SEC31A: variants seen among roughly 807,000 people sequenced by gnomAD.
SEC31A encodes the protein SEC31 homolog A, COPII component.
A neutral mutation model predicts 151.0 loss-of-function variants in SEC31A; 70 were observed. The observed-to-expected ratio is 0.46, with a 90% CI of 0.38 to 0.57. The LOEUF (loss-of-function observed/expected upper bound fraction) is 0.57, where lower values mean the gene tolerates loss of function less well. Ranked by LOEUF, SEC31A falls within the 20% of genes least tolerant of loss-of-function variation. The pLI is 0.00. For synonymous variants in SEC31A, 475 were observed against 505.9 expected (o/e 0.94, Z 0.82); for missense variants, 1,330 against 1,471.2 (o/e 0.90, Z 1.57).
intron 13 of SEC31A, 139 bp downstream of exon 13, chr4:82,862,395 T>A: frequency 1.6e-6 from 1 of 617,390 alleles, no homozygotes; most frequent in South Asian, 2.2e-5. Context: ...TGAGAATTAT[T>A]AATTTATTAA....
At position 82,827,578 on chromosome 4, in the gene SEC31A, A is replaced by G. The variant is rs746464888; in HGVS notation, c.3082T>C (p.Leu1028=). ...AGCATTTGTGACTGGGGGTCACCCAACGGGTTCATGATTGGTGATGTGATG... is the reference window on the plus strand; with the variant it reads ...AGCATTTGTGACTGGGGGTCACCCAGCGGGTTCATGATTGGTGATGTGATG... The part of the protein sequence containing the change: ...VPITSPIMNP[L]GDPQSQMLQQ... Residue 1028 remains leucine, a synonymous_variant, in exon 24 of 27, where the codon TTG becomes CTG. Coordinates refer to ENST00000395310, the MANE Select transcript of SEC31A (RefSeq NM_001077207.4). The G allele has an allele frequency of 2.7e-5, 43 of 1,614,116 alleles. No homozygotes were observed. Among genetic ancestry groups the G allele is most frequent in the African/African-American group, 9.3e-5 (7 of 74,948 alleles).
intron 24 of SEC31A, 71 bp downstream of exon 24, chr4:82,827,297 AG>A: frequency 6.7e-7 from 1 of 1,482,630 alleles, no homozygotes; most frequent in South Asian, 1.3e-5. Flanking sequence ...CAATCATAAA[AG>A]TTAGCACATT....
chr4:82,820,112 T>TATACGCTA (rs1359809382), intron 26 of SEC31A, among the ~76,000 whole-genome samples: 4 of 149,916 alleles, frequency 2.7e-5, no homozygotes, highest in African/African-American at 9.8e-5. Context: ...CATCTAGATG[T>TATACGCTA]ATACGCTAAT....
At chr4:82,876,422 A>T (rs1276568198) in intron 4 of SEC31A, among the ~76,000 whole-genome samples, 2 of 152,146 alleles carry the variant, frequency 1.3e-5, no homozygotes, top group Non-Finnish European at 2.9e-5. Flanking sequence ...ATAAATTCTT[A>T]ATCAGTCATG....
At chr4:82,873,324 C>G (rs1464473985) in intron 6 of SEC31A, among the ~76,000 whole-genome samples, 1 of 151,650 alleles carries the variant, frequency 6.6e-6, no homozygotes, top group Non-Finnish European at 1.5e-5. Context: ...CCCCTACACT[C>G]CAGACTGGGT....
At chr4:82,898,827 A>G (rs1720170662) in intron 3 of SEC31A, among the ~76,000 whole-genome samples, 1 of 152,234 alleles carries the variant, frequency 6.6e-6, no homozygotes, top group South Asian at 2.1e-4. Flanking sequence ...CACTTCCTCA[A>G]GAAGCTAAAC....
In SEC31A at chr4:82,881,942, T is replaced by C. The variant is rs1160129361; in HGVS notation, c.-4-2A>G. On this transcript the variant is annotated splice_acceptor_variant, in intron 1 of 26. Coordinates refer to ENST00000395310, the MANE Select transcript of SEC31A (RefSeq NM_001077207.4). LOFTEE classifies it low-confidence loss of function (5UTR_SPLICE). ...TCTACTTCCTTTAACTTCATCCTGC[T>C]AAAGGGAATATTTTATACAGAAACA... 6.2e-7 allele frequency: 1 copy of C among 1,612,160 alleles called. No homozygotes were observed. Among genetic ancestry groups the C allele is most frequent in the Non-Finnish European group, 8.5e-7 (1 of 1,178,204 alleles).
At chr4:82,849,381 G>A (rs1730944894) in intron 19 of SEC31A, among the ~76,000 whole-genome samples, 1 of 152,134 alleles carries the variant, frequency 6.6e-6, no homozygotes, top group African/African-American at 2.4e-5. Context: ...TTGGGAGGCC[G>A]AGGCAGGCAG....
intron 8 of SEC31A, among the ~76,000 whole-genome samples, chr4:82,868,302 C>T (rs1735839645): frequency 6.6e-6 from 1 of 151,834 alleles, no homozygotes; most frequent in Admixed American, 6.6e-5. Flanking sequence ...AGTTCAAGAC[C>T]AGCATGGGGA....
At chr4:82,829,729 T>C (rs1052387968) in intron 22 of SEC31A, among the ~76,000 whole-genome samples, 1 of 152,080 alleles carries the variant, frequency 6.6e-6, no homozygotes, top group Non-Finnish European at 1.5e-5. Flanking sequence ...TATTACCAAC[T>C]GTAGTAAATT....
At chr4:82,841,744 G>T (rs564733452) in intron 22 of SEC31A, among the ~76,000 whole-genome samples, 21 of 151,600 alleles carry the variant, frequency 1.4e-4, no homozygotes, top group Non-Finnish European at 2.9e-4. Flanking sequence ...GGCCGAAGCG[G>T]GTGGATCACT....
At chr4:82,876,024 T>C (rs1333295800) in intron 4 of SEC31A, among the ~76,000 whole-genome samples, 2 of 152,098 alleles carry the variant, frequency 1.3e-5, no homozygotes, top group East Asian at 1.9e-4. Context: ...CATAAAATTC[T>C]ACTTAACAAA....
intron 14 of SEC31A, among the ~76,000 whole-genome samples, chr4:82,858,349 T>G (rs1339804208): frequency 6.6e-6 from 1 of 151,256 alleles, no homozygotes; most frequent in Non-Finnish European, 1.5e-5. Flanking sequence ...ATCGAGACCA[T>G]CCTGGCCAAC....
chr4:82,860,798 G>A (rs570729009), intron 14 of SEC31A, among the ~76,000 whole-genome samples: 5 of 152,144 alleles, frequency 3.3e-5, no homozygotes, highest in Non-Finnish European at 5.9e-5. Context: ...TTTTAGTAAA[G>A]ATTTTATCCA....
intron 22 of SEC31A, among the ~76,000 whole-genome samples, chr4:82,837,460 C>T (rs750637242): frequency 1.3e-5 from 2 of 151,788 alleles, no homozygotes; most frequent in Non-Finnish European, 2.9e-5. Flanking sequence ...GATCACAGCT[C>T]ACAACCTCTG....
rs757692353 is a variant in SEC31A, at chr4:82,872,075, A to C, written c.651T>G (p.Ser217=). 32 of 1,613,550 alleles carry C rather than the reference A, an allele frequency of 2.0e-5. No individual in the cohort carries two copies. Among genetic ancestry groups the C allele is most frequent in the Non-Finnish European group, 2.5e-5 (29 of 1,179,608 alleles). Reference sequence around the variant, plus strand: ...CAACATCAGGATGCCATGCCAACCCAGAACAATGCATCTGAAGATAGTTAA... The same window carrying C: ...CAACATCAGGATGCCATGCCAACCCCGAACAATGCATCTGAAGATAGTTAA... ...VSDHSNRMHC[S]GLAWHPDVAT... The change falls in exon 7 of 27, where the codon TCT becomes TCG. Residue 217 remains serine, a synonymous_variant. Coordinates refer to ENST00000395310, the MANE Select transcript of SEC31A (RefSeq NM_001077207.4).
At chr4:82,846,171 T>C (rs1297939768) in intron 20 of SEC31A, among the ~76,000 whole-genome samples, 1 of 151,676 alleles carries the variant, frequency 6.6e-6, no homozygotes, top group African/African-American at 2.4e-5. Context: ...GCCCAGCTAA[T>C]TTTTAGTATT....
At chr4:82,852,197 A>G (rs1348142621) in intron 18 of SEC31A, among the ~76,000 whole-genome samples, 1 of 152,140 alleles carries the variant, frequency 6.6e-6, no homozygotes, top group Non-Finnish European at 1.5e-5. Context: ...CTTCACCTTG[A>G]GCCATGACTG....
chr4:82,866,915 G>A lies in SEC31A; in HGVS notation c.1090C>T (p.Pro364Ser). The A allele has an allele frequency of 1.2e-6, 2 of 1,614,042 alleles. No individual in the cohort carries two copies. Among genetic ancestry groups the A allele is most frequent in the Middle Eastern group, 1.6e-4 (1 of 6,062 alleles). Residue 364 changes from proline (P) to serine (S), a missense_variant, in exon 10 of 27, where the codon CCC (proline) becomes TCC (serine). By Grantham distance (74) the Pro-to-Ser change is moderately conservative. Transcript: ENST00000395310. ...GNLDPFGTGQ[P>S]LPPLQIPQQT... ...TGTGGAATTTGTAACGGAGGAAGGGGCTGTCCTGTGCCAAAGGGATCAAGA... is the reference window on the plus strand; with the variant it reads ...TGTGGAATTTGTAACGGAGGAAGGGACTGTCCTGTGCCAAAGGGATCAAGA...
Sources: gnomAD v4.1 joint callset for allele counts (sites outside exome capture counted in the v4.1 genomes callset) on GRCh38, gnomAD v4.1.1 for gene constraint, MANE v1.5 for transcripts, NCBI Gene and HGNC (gene_info 2026-07-23, HGNC 2026-07-21) for gene names.